Variants in ADGRG2 observed in about 807,000 individuals in gnomAD.
The protein encoded by ADGRG2 is G protein-coupled receptor 64.
In ADGRG2, 26 loss-of-function variants were observed where a neutral mutation model predicts 74.1. That is an observed-to-expected ratio of 0.35 (90% CI 0.26 to 0.49). The LOEUF (loss-of-function observed/expected upper bound fraction) is 0.49. Among genes scored for constraint, ADGRG2 ranks in the 20% least tolerant of loss-of-function variants. The pLI, the probability that ADGRG2 is intolerant of heterozygous loss-of-function variation, is 0.99. For synonymous variants in ADGRG2, 296 were observed against 295.2 expected (o/e 1.00, Z -0.03); for missense variants, 619 against 763.1 (o/e 0.81, Z 2.22).
intron 2 of ADGRG2, among the ~76,000 whole-genome samples, chrX:19,072,333 C>T (rs4825284): frequency 0.31 from 34,088 of 110,232 alleles, 4,139 homozygotes; most frequent in African/African-American, 0.44. Flanking sequence ...AGAACCCTTA[C>T]TCTTTCTACC....
chrX:19,094,088 T>C (rs980130827), intron 1 of ADGRG2, among the ~76,000 whole-genome samples: 1 of 111,714 alleles, frequency 9.0e-6, no homozygotes, highest in Admixed American at 9.5e-5. Context: ...TAATGTGACA[T>C]GGACATAGAG....
chrX:19,083,170 A>AT (rs58522004), intron 1 of ADGRG2, among the ~76,000 whole-genome samples: 21,782 of 82,965 alleles, frequency 0.26, 3,237 homozygotes, highest in East Asian at 0.41. Flanking sequence ...CACCCGGCTA[A>AT]TTTTTTTTTT....
chrX:19,045,417 C>G (rs965540946), intron 3 of ADGRG2, among the ~76,000 whole-genome samples: 3 of 108,163 alleles, frequency 2.8e-5, no homozygotes, highest in Non-Finnish European at 3.8e-5. Context: ...AAGTGATTCT[C>G]CTGCCTCAGC....
intron 4 of ADGRG2, chrX:19,039,262 C>T (rs2061007609): frequency 3.0e-6 from 1 of 331,435 alleles, no homozygotes; most frequent in Non-Finnish European, 5.9e-6. Context: ...TTATCCTCCC[C>T]AAGCCCCAGT....
intron 3 of ADGRG2, among the ~76,000 whole-genome samples, chrX:19,049,343 C>T (rs954755584): frequency 3.6e-5 from 4 of 111,267 alleles, no homozygotes; most frequent in Non-Finnish European, 7.5e-5. Flanking sequence ...CATCCACAGC[C>T]CTGGGAGTGG....
chrX:18,998,107 G>A (rs2060051800), intron 26 of ADGRG2, among the ~76,000 whole-genome samples: 1 of 112,078 alleles, frequency 8.9e-6, no homozygotes, highest in African/African-American at 3.2e-5. Context: ...AGCAGATGGC[G>A]ACACACAGAG....
intron 1 of ADGRG2, among the ~76,000 whole-genome samples, chrX:19,100,796 A>G (rs1226389128): frequency 8.8e-6 from 1 of 113,173 alleles, no homozygotes; most frequent in Non-Finnish European, 1.9e-5. Flanking sequence ...AGTTGGACAT[A>G]CTATTGGGAA....
intron 3 of ADGRG2, among the ~76,000 whole-genome samples, chrX:19,047,809 G>T (rs2061224763): frequency 9.0e-6 from 1 of 111,708 alleles, no homozygotes; most frequent in Admixed American, 9.5e-5. Context: ...TCCAGGAACG[G>T]CATTTTCCGA....
chrX:19,105,849 A>G (rs1323466187), intron 1 of ADGRG2, among the ~76,000 whole-genome samples: 2 of 101,683 alleles, frequency 2.0e-5, no homozygotes, highest in African/African-American at 3.8e-5. Context: ...AATCACTTGA[A>G]CCTGGGAGGC....
intron 6 of ADGRG2, 45 bp downstream of exon 6, chrX:19,037,422 A>G (rs373716174): frequency 1.2e-5 from 11 of 919,635 alleles, no homozygotes; most frequent in Non-Finnish European, 1.5e-5. Flanking sequence ...ACTTATATTC[A>G]TATTAAGGGT....
intron 25 of ADGRG2, 63 bp downstream of exon 25, chrX:18,999,798 G>A (rs960533122): frequency 5.7e-5 from 39 of 689,751 alleles, no homozygotes; most frequent in Non-Finnish European, 8.2e-5. Flanking sequence ...TAGATCCTCC[G>A]TTTTCTAGGA....
Position 19,006,225 on chromosome X carries a change from C to T in ADGRG2, c.1730G>A (p.Arg577Lys), listed in dbSNP as rs1249511672. The change falls in exon 21 of 29, where the codon AGA becomes AAA. Residue 577 changes from arginine (R) to lysine (K), a missense_variant. By Grantham distance (26) the Arg-to-Lys change is conservative (BLOSUM62 2). Around this residue, in one of 3 missense-constraint regions of ADGRG2, gnomAD observed 221 missense variants for 340.6 expected, o/e 0.65. Coordinates refer to ENST00000379869, the MANE Select transcript of ADGRG2 (RefSeq NM_001079858.3). ...AGGTTATGACTGGAACTTACCATTT[C>T]TGCCCAAGTCCCAAAATACACATCT... ...TVRCVFWDLG[R>K]NGGRGGWSDN... is the part of the protein sequence containing the mutation. 8.5e-7 allele frequency: 1 copy of T among 1,180,225 alleles called. No homozygotes were observed. The highest frequency in any genetic ancestry group is 1.2e-6 in the Non-Finnish European group (1 of 867,499).
chrX:19,089,216 TGCCA>T (rs201653672), intron 1 of ADGRG2, among the ~76,000 whole-genome samples: 1,446 of 111,764 alleles, frequency 0.013, 25 homozygotes, highest in African/African-American at 0.044. Context: ...CTGCCAACTT[TGCCA>T]GCAAGAGAAG....
At chrX:19,078,592 C>T (rs1291673630) in intron 2 of ADGRG2, among the ~76,000 whole-genome samples, 1 of 110,071 alleles carries the variant, frequency 9.1e-6, no homozygotes, top group Non-Finnish European at 1.9e-5. Flanking sequence ...AGAAAATATT[C>T]GACTTGATCA....
At chrX:19,059,958 C>T (rs1206338085) in intron 3 of ADGRG2, among the ~76,000 whole-genome samples, 1 of 110,865 alleles carries the variant, frequency 9.0e-6, no homozygotes, top group African/African-American at 3.3e-5. Context: ...GTGGCAAAAC[C>T]CCGTCTCTAC....
intron 1 of ADGRG2, among the ~76,000 whole-genome samples, chrX:19,083,920 A>G: frequency 8.9e-6 from 1 of 112,536 alleles, no homozygotes; most frequent in Admixed American, 9.4e-5. Context: ...CTGTTATAAT[A>G]GCAGTTCAGT....
chrX:19,104,703 G>A (rs1310702218), intron 1 of ADGRG2, among the ~76,000 whole-genome samples: 1 of 108,909 alleles, frequency 9.2e-6, no homozygotes, highest in Non-Finnish European at 1.9e-5. Context: ...ACTTGAGTGA[G>A]GCCAGGAGTT....
intron 24 of ADGRG2, among the ~76,000 whole-genome samples, chrX:19,002,286 A>G (rs1205010042): frequency 9.0e-6 from 1 of 111,509 alleles, no homozygotes; most frequent in Non-Finnish European, 1.9e-5. Context: ...AATCTTCAAC[A>G]TATTTGGGGA....
At chrX:19,119,199 A>T (rs193208864) in intron 1 of ADGRG2, among the ~76,000 whole-genome samples, 1 of 112,241 alleles carries the variant, frequency 8.9e-6, no homozygotes, top group East Asian at 2.8e-4. Context: ...GTTACACTTC[A>T]ATTTGAAAAA....
Sources: allele counts gnomAD v4.1 joint callset (sites outside exome capture counted in the v4.1 genomes callset), GRCh38; gene constraint gnomAD v4.1.1; regional missense constraint gnomAD v4.1.1; transcripts MANE v1.5; gene names NCBI Gene and HGNC (gene_info 2026-07-23, HGNC 2026-07-21).